PTGER3: variants seen among roughly 807,000 people sequenced by gnomAD.
The protein encoded by PTGER3 is prostaglandin E receptor 3, also known as prostaglandin E2 receptor EP3 subtype.
PTGER3 carries 22 observed loss-of-function variants against 34.7 expected under a neutral mutation model. The observed-to-expected ratio is 0.63, with a 90% CI of 0.45 to 0.91. The LOEUF is 0.91. PTGER3 is among the 40% of genes least tolerant of loss of function. PTGER3 has a pLI of 0.00. For missense variants in PTGER3, 468 were observed against 519.4 expected (o/e 0.90, Z 0.96); for synonymous variants, 241 against 230.1 (o/e 1.05, Z -0.43).
intron 2 of PTGER3, among the ~76,000 whole-genome samples, chr1:71,001,752 G>A (rs1656513210): frequency 6.6e-6 from 1 of 152,166 alleles, no homozygotes; most frequent in African/African-American, 2.4e-5. Context: ...AAAAGAAGCT[G>A]TGTATTTTTC....
At chr1:71,012,275 A>G (rs1337960269) in intron 2 of PTGER3, 30 bp downstream of exon 2, 2 of 1,613,994 alleles carry the variant, frequency 1.2e-6, no homozygotes, top group Non-Finnish European at 1.7e-6. Context: ...TCTGTCCATC[A>G]TTAGAGCAGC....
At chr1:70,954,741 A>G (rs1368000900) in intron 2 of PTGER3, among the ~76,000 whole-genome samples, 1 of 152,150 alleles carries the variant, frequency 6.6e-6, no homozygotes, top group Non-Finnish European at 1.5e-5. Flanking sequence ...GCATTTTGCT[A>G]TCATGTAATA....
intron 2 of PTGER3, among the ~76,000 whole-genome samples, chr1:70,975,884 T>G (rs1176374205): frequency 6.6e-6 from 1 of 152,154 alleles, no homozygotes; most frequent in Non-Finnish European, 1.5e-5. Flanking sequence ...TACTCCTATG[T>G]GAGAAGATTC....
chr1:70,874,862 A>G (rs1163195317), intron 4 of PTGER3, among the ~76,000 whole-genome samples: 3 of 152,082 alleles, frequency 2.0e-5, no homozygotes, highest in Admixed American at 1.3e-4. Flanking sequence ...GTCCCTAAAT[A>G]TAGGAACTTG....
intron 4 of PTGER3, among the ~76,000 whole-genome samples, chr1:70,863,066 G>A (rs1645961794): frequency 6.6e-6 from 1 of 151,928 alleles, no homozygotes; most frequent in East Asian, 1.9e-4. Context: ...GGGGGCGGCC[G>A]ATGCCCAGGT....
At chr1:71,014,300 C>A (rs1187874982) in intron 1 of PTGER3, among the ~76,000 whole-genome samples, 1 of 152,184 alleles carries the variant, frequency 6.6e-6, no homozygotes, top group African/African-American at 2.4e-5. Flanking sequence ...AGTGATGGCA[C>A]TTTGATACAC....
chr1:70,901,912 G>A (rs1646848254), intron 4 of PTGER3, among the ~76,000 whole-genome samples: 2 of 152,202 alleles, frequency 1.3e-5, no homozygotes, highest in East Asian at 3.9e-4. Flanking sequence ...AAAAATATCA[G>A]CCTAAATCAA....
intron 1 of PTGER3, among the ~76,000 whole-genome samples, chr1:71,016,991 C>A (rs1657965268): frequency 6.6e-6 from 1 of 152,040 alleles, no homozygotes; most frequent in African/African-American, 2.4e-5. Flanking sequence ...ATCCTATGAG[C>A]TGAATGCTAC....
chr1:70,873,994 A>G (rs1019148907), intron 4 of PTGER3, among the ~76,000 whole-genome samples: 1 of 152,136 alleles, frequency 6.6e-6, no homozygotes, highest in African/African-American at 2.4e-5. Flanking sequence ...GAAAACATCT[A>G]GCTTCCAGAT....
intron 4 of PTGER3, among the ~76,000 whole-genome samples, chr1:70,861,747 G>T (rs148130761): frequency 7.8e-4 from 119 of 151,602 alleles, no homozygotes; most frequent in Middle Eastern, 3.4e-3. Flanking sequence ...GCAGCTTGCT[G>T]TGTGTTTCTC....
intron 1 of PTGER3, among the ~76,000 whole-genome samples, chr1:71,017,192 T>A (rs1657985858): frequency 6.6e-6 from 1 of 151,812 alleles, no homozygotes. Flanking sequence ...AAAACAAGTG[T>A]CCTAAAAAAT....
chr1:70,964,689 C>A (rs1652324922), intron 2 of PTGER3, among the ~76,000 whole-genome samples: 1 of 152,186 alleles, frequency 6.6e-6, no homozygotes, highest in Non-Finnish European at 1.5e-5. Flanking sequence ...GGGACAGAGC[C>A]AAACCATATC....
intron 4 of PTGER3, among the ~76,000 whole-genome samples, chr1:70,878,583 C>T (rs1052068030): frequency 2.0e-5 from 3 of 152,024 alleles, no homozygotes; most frequent in African/African-American, 7.2e-5. Context: ...TGAGTTCTTT[C>T]TAACATTTTT....
chr1:70,996,828 C>CA (rs1451642654), intron 2 of PTGER3, among the ~76,000 whole-genome samples: 1 of 151,900 alleles, frequency 6.6e-6, no homozygotes, highest in Non-Finnish European at 1.5e-5. Context: ...CGCGCCCAGC[C>CA]TTTTTTTGTG....
intron 4 of PTGER3, among the ~76,000 whole-genome samples, chr1:70,940,620 A>C (rs1333444207): frequency 6.6e-6 from 1 of 152,204 alleles, no homozygotes; most frequent in Non-Finnish European, 1.5e-5. Context: ...ATGAGGAAGA[A>C]GCAAAAGCAG....
chr1:70,985,780 T>C (rs1183229743), intron 2 of PTGER3, among the ~76,000 whole-genome samples: 1 of 152,156 alleles, frequency 6.6e-6, no homozygotes, highest in Non-Finnish European at 1.5e-5. Context: ...TCTATGTTCG[T>C]CACTTTGTTC....
intron 2 of PTGER3, chr1:70,998,329 A>G (rs1656164511): frequency 6.6e-6 from 1 of 152,216 alleles, no homozygotes; most frequent in Non-Finnish European, 1.5e-5. Context: ...TCTAATTACA[A>G]TGAAAGAAAA....
At chr1:70,853,237 A>G (rs1311591288) in intron 4 of PTGER3, among the ~76,000 whole-genome samples, 1 of 152,184 alleles carries the variant, frequency 6.6e-6, no homozygotes, top group African/African-American at 2.4e-5. Context: ...GCAGACATAA[A>G]AACATTATGG....
chr1:70,885,826 G>C (rs895171046), intron 4 of PTGER3, among the ~76,000 whole-genome samples: 30 of 152,198 alleles, frequency 2.0e-4, no homozygotes, highest in African/African-American at 7.0e-4. Flanking sequence ...CAAATGGAGA[G>C]AGGAATAATG....
Sources: gnomAD v4.1 joint callset for allele counts (sites outside exome capture counted in the v4.1 genomes callset) on GRCh38, gnomAD v4.1.1 for gene constraint, MANE v1.5 for transcripts, NCBI Gene and HGNC (gene_info 2026-07-23, HGNC 2026-07-21) for gene names.